The following TNS3 variants were observed in gnomAD, a reference collection of about 807,000 sequenced individuals.
The protein encoded by TNS3 is tensin-3.
A neutral mutation model predicts 140.9 loss-of-function variants in TNS3; 45 were observed. The ratio of observed to expected loss-of-function variants is 0.32; its 90% CI spans 0.25 to 0.41. The LOEUF is 0.41. Among genes scored for constraint, TNS3 ranks in the 10% least tolerant of loss-of-function variants. TNS3 has a pLI of 1.00. For synonymous variants in TNS3, 815 were observed against 788.4 expected (o/e 1.03, Z -0.56); for missense variants, 1,716 against 1,906.7 (o/e 0.90, Z 1.86).
intron 16 of TNS3, among the ~76,000 whole-genome samples, chr7:47,395,583 C>T (rs974356792): frequency 3.3e-5 from 5 of 152,200 alleles, no homozygotes; most frequent in African/African-American, 1.2e-4. Flanking sequence ...TTTTGAAAGA[C>T]AATGTATCAT....
intron 3 of TNS3, among the ~76,000 whole-genome samples, chr7:47,488,778 A>T (rs1797703348): frequency 6.6e-6 from 1 of 152,178 alleles, no homozygotes; most frequent in South Asian, 2.1e-4. Flanking sequence ...GCACACCAAC[A>T]AGAGCTGGGT....
At chr7:47,472,888 T>TG (rs1357097655) in intron 4 of TNS3, among the ~76,000 whole-genome samples, 63 of 152,102 alleles carry the variant, frequency 4.1e-4, no homozygotes, top group Non-Finnish European at 6.8e-4. Flanking sequence ...AGCTGGGAGA[T>TG]GGGGGTGAGG....
intron 16 of TNS3, among the ~76,000 whole-genome samples, chr7:47,374,080 G>A (rs1313915756): frequency 6.6e-6 from 1 of 152,166 alleles, no homozygotes; most frequent in Non-Finnish European, 1.5e-5. Flanking sequence ...AACTGATAAT[G>A]AACACAACTG....
chr7:47,434,740 C>A (rs556273750), intron 8 of TNS3, among the ~76,000 whole-genome samples: 80 of 152,324 alleles, frequency 5.3e-4, no homozygotes, highest in African/African-American at 1.8e-3. Context: ...TGGCATCCAC[C>A]AACCCTGCTG....
chr7:47,366,487 C>T (rs1420401270), intron 17 of TNS3, among the ~76,000 whole-genome samples: 2 of 152,226 alleles, frequency 1.3e-5, no homozygotes, highest in African/African-American at 2.4e-5. Flanking sequence ...TTCCTTCTCA[C>T]AGATGGAGTG....
chr7:47,362,185 A>G (rs1435155160), intron 17 of TNS3, among the ~76,000 whole-genome samples: 1 of 152,164 alleles, frequency 6.6e-6, no homozygotes, highest in Non-Finnish European at 1.5e-5. Flanking sequence ...GCAGGGCCTC[A>G]TGGCTGGCAG....
intron 1 of TNS3, among the ~76,000 whole-genome samples, chr7:47,562,800 C>G (rs75989784): frequency 0.033 from 4,987 of 152,256 alleles, 111 homozygotes; most frequent in Non-Finnish European, 0.045. Context: ...GAATTCTTAA[C>G]TACGTACAAA....
intron 17 of TNS3, among the ~76,000 whole-genome samples, chr7:47,358,642 A>G (rs570815533): frequency 1.1e-4 from 16 of 152,330 alleles, no homozygotes; most frequent in Admixed American, 2.6e-4. Flanking sequence ...GAGTGTCGGC[A>G]GCCTTGGGTG....
At chr7:47,435,606 T>C (rs1795141204) in intron 7 of TNS3, among the ~76,000 whole-genome samples, 1 of 152,230 alleles carries the variant, frequency 6.6e-6, no homozygotes, top group South Asian at 2.1e-4. Flanking sequence ...GCCCATGTGA[T>C]GCCTCTTCTT....
At chr7:47,522,982 TA>T (rs1297737627) in intron 2 of TNS3, among the ~76,000 whole-genome samples, 2 of 151,826 alleles carry the variant, frequency 1.3e-5, no homozygotes, top group East Asian at 3.9e-4. Flanking sequence ...GCTATGTGCA[TA>T]AAAACATGAT....
chr7:47,314,723 C>T (rs1213080703), intron 20 of TNS3, among the ~76,000 whole-genome samples: 2 of 152,192 alleles, frequency 1.3e-5, no homozygotes, highest in African/African-American at 2.4e-5. Context: ...GTATCCTCAG[C>T]TCTGTACCTA....
intron 15 of TNS3, among the ~76,000 whole-genome samples, chr7:47,397,628 T>G (rs932134299): frequency 6.6e-6 from 1 of 152,210 alleles, no homozygotes; most frequent in African/African-American, 2.4e-5. Context: ...AAAAATTCCT[T>G]GAAATGAATG....
At chr7:47,323,410 G>C (rs528575468) in intron 20 of TNS3, among the ~76,000 whole-genome samples, 41 of 152,206 alleles carry the variant, frequency 2.7e-4, no homozygotes, top group Non-Finnish European at 1.0e-4. Context: ...AAGAAATCCA[G>C]AGATGAAGGA....
intron 1 of TNS3, among the ~76,000 whole-genome samples, chr7:47,543,104 G>T (rs1799833954): frequency 6.6e-6 from 1 of 152,166 alleles, no homozygotes; most frequent in South Asian, 2.1e-4. Flanking sequence ...CCCAGACACT[G>T]TCTCTAGGGG....
rs1013995213 is a variant in TNS3 at position 47,394,004 on chromosome 7, C to T, written c.1024+2796G>A. On this transcript the variant is annotated intron_variant, in intron 16 of 30. Coordinates refer to ENST00000311160, the MANE Select transcript of TNS3 (RefSeq NM_022748.12). ...CATGCCCAGACCATCACCTGCATGG[C>T]TCCACCACCTCCAACCACACAATCC... is the stretch of plus-strand genomic sequence containing the variant. Among the ~76,000 whole-genome samples the T allele has an allele frequency of 1.6e-4, 25 of 152,076 alleles. 4 individuals carry two copies. The highest frequency in any genetic ancestry group is 1.2e-3 in the Admixed American group (19 of 15,268).
intron 3 of TNS3, among the ~76,000 whole-genome samples, chr7:47,500,476 C>G (rs368312126): frequency 6.6e-6 from 1 of 152,216 alleles, no homozygotes; most frequent in African/African-American, 2.4e-5. Context: ...GGGAGCAGAA[C>G]AAGCCTCCTC....
chr7:47,488,154 A>T (rs1445268405), intron 3 of TNS3, among the ~76,000 whole-genome samples: 2 of 152,218 alleles, frequency 1.3e-5, no homozygotes, highest in Non-Finnish European at 2.9e-5. Flanking sequence ...CAAGATCTTT[A>T]ATTCACCCAT....
chr7:47,364,078 G>A (rs189805617), intron 17 of TNS3, among the ~76,000 whole-genome samples: 5 of 152,148 alleles, frequency 3.3e-5, no homozygotes, highest in Admixed American at 2.0e-4. Context: ...ACACTTGTAC[G>A]CGTGTCCCTG....
intron 2 of TNS3, among the ~76,000 whole-genome samples, chr7:47,522,189 G>C (rs1799005919): frequency 6.6e-6 from 1 of 152,240 alleles, no homozygotes; most frequent in Non-Finnish European, 1.5e-5. Flanking sequence ...CAGGATCATA[G>C]ATTTGTTGCT....
Sources: gnomAD v4.1 joint callset for allele counts (sites outside exome capture counted in the v4.1 genomes callset) on GRCh38, gnomAD v4.1.1 for gene constraint, MANE v1.5 for transcripts, NCBI Gene and HGNC (gene_info 2026-07-23, HGNC 2026-07-21) for gene names.